ROR1: variants seen among roughly 807,000 people sequenced by gnomAD.
ROR1 encodes inactive tyrosine-protein kinase transmembrane receptor ROR1.
Under a neutral mutation model 78.8 loss-of-function variants are expected in ROR1, and 19 were observed. That is an observed-to-expected ratio of 0.24 (90% CI 0.17 to 0.35). The LOEUF (loss-of-function observed/expected upper bound fraction) is 0.35, where lower values mean the gene tolerates loss of function less well. ROR1 is among the 10% of genes least tolerant of loss of function. ROR1 has a pLI of 1.00. For synonymous variants in ROR1, 386 were observed against 433.6 expected (o/e 0.89, Z 1.36); for missense variants, 917 against 1,177.8 (o/e 0.78, Z 3.24).
intron 1 of ROR1, among the ~76,000 whole-genome samples, chr1:63,916,868 A>G (rs984972830): frequency 1.3e-5 from 2 of 152,184 alleles, no homozygotes; most frequent in Admixed American, 6.5e-5. Flanking sequence ...AATTTCTCCT[A>G]TAAAGCCCTG....
At chr1:64,031,637 T>C (rs1646660397) in intron 2 of ROR1, among the ~76,000 whole-genome samples, 1 of 152,244 alleles carries the variant, frequency 6.6e-6, no homozygotes, top group Non-Finnish European at 1.5e-5. Context: ...TACATAACCC[T>C]TTTTGTCTGT....
intron 1 of ROR1, among the ~76,000 whole-genome samples, chr1:63,940,478 TAGACAGATAGATAGAC>T (rs55723491): frequency 0.3 from 43,697 of 145,738 alleles, 7,161 homozygotes; most frequent in Admixed American, 0.42. Flanking sequence ...GATAGATAGA[TAGACAGATAGATAGAC>T]AGACAGATAG....
At position 63,832,464 on chromosome 1, in the gene ROR1, T is replaced by C. The variant is rs531187326; in HGVS notation, c.91+57956T>C. ...ATGGTGGAAGGTGAAGGAGAAGCAGTCTCCTCCCTTGACATGTGGGGATTA... is the reference window on the plus strand; with the variant it reads ...ATGGTGGAAGGTGAAGGAGAAGCAGCCTCCTCCCTTGACATGTGGGGATTA... On this transcript the variant is annotated intron_variant, in intron 1 of 8. Coordinates refer to ENST00000371079, the MANE Select transcript of ROR1 (RefSeq NM_005012.4). 5.9e-5 allele frequency among the ~76,000 whole-genome samples: 9 copies of C among 152,182 alleles called. No homozygotes were observed. In the South Asian group the frequency reaches 1.9e-3, roughly 32 times the overall value.
intron 7 of ROR1, among the ~76,000 whole-genome samples, chr1:64,156,760 C>G (rs1043447859): frequency 3.3e-5 from 5 of 149,490 alleles, no homozygotes; most frequent in Non-Finnish European, 7.4e-5. Context: ...TTTGGCAAAA[C>G]TTCAGTGTTA....
chr1:64,099,392 G>A (rs531423035), intron 4 of ROR1, among the ~76,000 whole-genome samples: 217 of 152,210 alleles, frequency 1.4e-3, no homozygotes, highest in Non-Finnish European at 2.7e-3. Context: ...AATATGAATA[G>A]CTGCTAAGTG....
chr1:64,115,854 T>C (rs193284732), intron 4 of ROR1, among the ~76,000 whole-genome samples: 7 of 152,226 alleles, frequency 4.6e-5, no homozygotes, highest in African/African-American at 9.6e-5. Context: ...GGAGGAGTAA[T>C]ACCTGCCTCT....
intron 4 of ROR1, among the ~76,000 whole-genome samples, chr1:64,117,235 A>C (rs1392926781): frequency 1.3e-5 from 2 of 152,144 alleles, no homozygotes; most frequent in Non-Finnish European, 2.9e-5. Context: ...CCAATTAATC[A>C]CCAAGTTATC....
chr1:64,063,747 C>T (rs1455336182), intron 4 of ROR1, among the ~76,000 whole-genome samples: 1 of 152,018 alleles, frequency 6.6e-6, no homozygotes, highest in Non-Finnish European at 1.5e-5. Flanking sequence ...ACTCCATCTC[C>T]ACCTTAGACT....
chr1:63,941,411 G>A (rs1051939306), intron 1 of ROR1, among the ~76,000 whole-genome samples: 1 of 152,116 alleles, frequency 6.6e-6, no homozygotes, highest in Non-Finnish European at 1.5e-5. Context: ...GAGTTGTCTG[G>A]ATTACTCTGG....
At chr1:63,983,995 A>G (rs904540970) in intron 1 of ROR1, among the ~76,000 whole-genome samples, 1 of 152,076 alleles carries the variant, frequency 6.6e-6, no homozygotes, top group African/African-American at 2.4e-5. Flanking sequence ...GGCACACATA[A>G]CCCTTTCTAA....
At chr1:64,014,746 A>G (rs1570060526) in intron 2 of ROR1, among the ~76,000 whole-genome samples, 1 of 12,044 alleles carries the variant, frequency 8.3e-5, no homozygotes, top group South Asian at 6.3e-3. Context: ...CACACTATAT[A>G]TATATATATA....
chr1:64,069,809 C>T (rs979155642), intron 4 of ROR1, among the ~76,000 whole-genome samples: 3 of 151,988 alleles, frequency 2.0e-5, no homozygotes, highest in Admixed American at 1.3e-4. Context: ...GGGAAATCTC[C>T]CTTTATTTTT....
At chr1:63,979,788 G>A (rs1471550483) in intron 1 of ROR1, among the ~76,000 whole-genome samples, 2 of 152,200 alleles carry the variant, frequency 1.3e-5, no homozygotes, top group African/African-American at 2.4e-5. Context: ...AGAAATGATG[G>A]AGTAGATATG....
At chr1:64,096,702 C>T (rs1647313115) in intron 4 of ROR1, among the ~76,000 whole-genome samples, 1 of 152,048 alleles carries the variant, frequency 6.6e-6, no homozygotes, top group South Asian at 2.1e-4. Flanking sequence ...CTGTAATGAA[C>T]ATACTCATGC....
At chr1:63,789,040 T>C (rs1039224683) in intron 1 of ROR1, 7 of 629,810 alleles carry the variant, frequency 1.1e-5, no homozygotes, top group Admixed American at 1.8e-5. Flanking sequence ...TTCTCTGGCA[T>C]CCGGGCATTG....
intron 1 of ROR1, among the ~76,000 whole-genome samples, chr1:63,780,066 T>C (rs1644641747): frequency 6.6e-6 from 1 of 152,232 alleles, no homozygotes; most frequent in Admixed American, 6.5e-5. Flanking sequence ...TAAGGTTTTG[T>C]ACAGTCTTGA....
chr1:63,967,836 C>A (rs934647444), intron 1 of ROR1, among the ~76,000 whole-genome samples: 2 of 152,136 alleles, frequency 1.3e-5, no homozygotes, highest in Non-Finnish European at 2.9e-5. Context: ...TTGATGTCAC[C>A]TTGGGGCATT....
chr1:63,902,144 G>A (rs990757887), intron 1 of ROR1, among the ~76,000 whole-genome samples: 3 of 152,136 alleles, frequency 2.0e-5, no homozygotes, highest in African/African-American at 4.8e-5. Flanking sequence ...TAGGAAAAGA[G>A]CTTATCCTTA....
chr1:63,946,824 A>G (rs551223801), intron 1 of ROR1, among the ~76,000 whole-genome samples: 1 of 152,310 alleles, frequency 6.6e-6, no homozygotes, highest in South Asian at 2.1e-4. Context: ...TACAAAGGAT[A>G]TCCTAATGCC....
Sources: allele counts gnomAD v4.1 joint callset (sites outside exome capture counted in the v4.1 genomes callset), GRCh38; gene constraint gnomAD v4.1.1; transcripts MANE v1.5; gene names NCBI Gene and HGNC (gene_info 2026-07-23, HGNC 2026-07-21).